Variants in ARFGEF3 observed in about 807,000 individuals in gnomAD.
ARFGEF3 encodes the protein brefeldin A-inhibited guanine nucleotide-exchange protein 3.
Under a neutral mutation model 221.7 loss-of-function variants are expected in ARFGEF3, and 96 were observed. That is an observed-to-expected ratio of 0.43 (90% CI 0.37 to 0.51). The LOEUF (loss-of-function observed/expected upper bound fraction) is 0.51, where lower values mean the gene tolerates loss of function less well. ARFGEF3 is among the 20% of genes least tolerant of loss of function. The pLI, the probability that ARFGEF3 is intolerant of heterozygous loss-of-function variation, is 0.00. For synonymous variants in ARFGEF3, 1,145 were observed against 1,126.8 expected, an observed-to-expected ratio of 1.02 and a Z score of -0.32; for missense variants, 2,410 against 2,789.9, an observed-to-expected ratio of 0.86 and a Z score of 3.07.
In ARFGEF3 at chr6:138,333,981, G is replaced by A; in HGVS notation, c.5135G>A (p.Arg1712Lys). The change falls in exon 33 of 34, where the codon AGG becomes AAG. Residue 1712 changes from arginine to lysine, a missense_variant. By Grantham distance (26) the Arg-to-Lys change is conservative. Around this residue, in one of 5 missense-constraint regions of ARFGEF3, gnomAD observed 723 missense variants for 991.9 expected, o/e 0.73. Coordinates refer to ENST00000251691, the MANE Select transcript of ARFGEF3 (RefSeq NM_020340.5). ...CTTTTCACTTGAAGCGTGTCTTTCAGGGAAATTGTGGTGAGCCTGCTGTCT... is the reference window on the plus strand; with the variant it reads ...CTTTTCACTTGAAGCGTGTCTTTCAAGGAAATTGTGGTGAGCCTGCTGTCT... ...NGHTKKSVSF[R>K]EIVVSLLSHQ... The A allele has an allele frequency of 1.2e-6, 2 of 1,605,512 alleles. No individual in the cohort carries two copies. The highest frequency in any genetic ancestry group is 2.2e-5 in the East Asian group (1 of 44,660).
chr6:138,203,185 C>T (rs1162665443), intron 2 of ARFGEF3, among the ~76,000 whole-genome samples: 1 of 151,944 alleles, frequency 6.6e-6, no homozygotes, highest in Non-Finnish European at 1.5e-5. Flanking sequence ...TGTTTAAGAA[C>T]TAAAATGGGT....
At position 138,336,647 on chromosome 6, in the gene ARFGEF3, A is replaced by G. The variant is rs988236359; in HGVS notation, c.*161A>G. 1 of 540,746 alleles carries G rather than the reference A, an allele frequency of 1.8e-6. No individual in the cohort carries two copies. The highest frequency in any genetic ancestry group is 3.9e-5 in the Admixed American group (1 of 25,644). 33.5% of individuals were successfully genotyped at this position (540,746 alleles called of 1,614,324 possible). A position where few individuals can be genotyped will look rare whatever the true frequency, so the allele number is the denominator to read the frequency against. On this transcript the variant is annotated 3_prime_UTR_variant, in exon 34 of 34. Transcript: ENST00000251691. ...TAAAAAGCCTTTCCAACCACTGATC[A>G]GCATTGGGGCCATACTAAGGTTTGT...
In ARFGEF3 at chr6:138,262,912, G is replaced by T. The variant is rs1778819796; in HGVS notation, c.1429G>T (p.Ala477Ser). 1.2e-6 allele frequency: 2 copies of T among 1,610,792 alleles called. No homozygotes were observed. The highest frequency in any genetic ancestry group is 1.7e-6 in the Non-Finnish European group (2 of 1,178,402). ...CCGAGATTCCATGGAGATCAATGAG[G>T]CTGACTTCCGCTGGCAGCGGCGAGT... ...WSRDSMEINE[A>S]DFRWQRRVLS... Residue 477 changes from alanine to serine, a missense_variant, in exon 12 of 34, where the codon GCT becomes TCT. Coordinates refer to ENST00000251691, the MANE Select transcript of ARFGEF3 (RefSeq NM_020340.5).
intron 2 of ARFGEF3, among the ~76,000 whole-genome samples, 159 bp from the exon 3 acceptor site, chr6:138,206,883 T>C (rs1009384674): frequency 1.4e-4 from 22 of 152,140 alleles, no homozygotes; most frequent in African/African-American, 5.1e-4. Flanking sequence ...ACAGCTTCTT[T>C]GCTGTGTTTT....
chr6:138,332,130 C>T (rs1243581558), intron 32 of ARFGEF3, among the ~76,000 whole-genome samples: 3 of 152,050 alleles, frequency 2.0e-5, no homozygotes, highest in Admixed American at 6.5e-5. Context: ...GTGTTGTGAG[C>T]GAAGGGTTTC....
intron 31 of ARFGEF3, among the ~76,000 whole-genome samples, chr6:138,324,394 C>A (rs1179110503): frequency 6.6e-6 from 1 of 152,188 alleles, no homozygotes; most frequent in Non-Finnish European, 1.5e-5. Context: ...TCAAATAGAA[C>A]CCTTTCAGCA....
In ARFGEF3 at chr6:138,317,257, T is replaced by G; in HGVS notation, c.4352T>G (p.Ile1451Arg). 6.2e-7 allele frequency: 1 copy of G among 1,613,460 alleles called. No individual in the cohort carries two copies. The highest frequency in any genetic ancestry group is 8.5e-7 in the Non-Finnish European group (1 of 1,179,748). Residue 1451 changes from isoleucine (I) to arginine (R), a missense_variant, in exon 27 of 34, where the codon ATA (isoleucine) becomes AGA (arginine). Physicochemically the swap from Ile to Arg is moderately conservative, Grantham distance 97. Coordinates refer to ENST00000251691, the MANE Select transcript of ARFGEF3 (RefSeq NM_020340.5). ...LSDFDDDTGLIEVWIILLEQL... is the reference protein window; with the variant it reads ...LSDFDDDTGLREVWIILLEQL... ...TCTGCTTTTTGGTTTCCAGGTCTGA[T>G]AGAAGTCTGGATAATCCTGCTGGAG...
chr6:138,265,012 T>C (rs1265952808), intron 12 of ARFGEF3, among the ~76,000 whole-genome samples: 1 of 151,548 alleles, frequency 6.6e-6, no homozygotes, highest in Non-Finnish European at 1.5e-5. Flanking sequence ...CATGCCATTC[T>C]CCTGCCTCAG....
In ARFGEF3 at chr6:138,328,071, C is replaced by T. The variant is rs1042602168; in HGVS notation, c.5052C>T (p.Asp1684=). ...CACCAAAGACACCAAACAACTTTGA[C>T]CACGCTCAGTCCTGCCAGCTCATTA... ...QCSPKTPNNF[D]HAQSCQLIIE... is the part of the protein sequence containing the mutation. The change falls in exon 32 of 34, where the codon GAC becomes GAT. Residue 1684 remains aspartate (D), a synonymous_variant. Transcript: ENST00000251691. 2.6e-5 allele frequency: 41 copies of T among 1,562,932 alleles called. No individual in the cohort carries two copies. The highest frequency in any genetic ancestry group is 3.6e-5 in the Non-Finnish European group (41 of 1,152,390).
chr6:138,224,273 G>A (rs1778037139), intron 4 of ARFGEF3, among the ~76,000 whole-genome samples: 3 of 152,196 alleles, frequency 2.0e-5, no homozygotes, highest in Non-Finnish European at 4.4e-5. Context: ...ATGTCTCATG[G>A]GAGATGCTTT....
intron 4 of ARFGEF3, among the ~76,000 whole-genome samples, chr6:138,229,472 C>G (rs747656160): frequency 6.6e-6 from 1 of 152,188 alleles, no homozygotes; most frequent in Non-Finnish European, 1.5e-5. Context: ...TACTAAACAA[C>G]TCTTTTGAGG....
In ARFGEF3 at chr6:138,342,114, A is replaced by G. The variant is rs1780440210; in HGVS notation, c.*5628A>G. On this transcript the variant is annotated 3_prime_UTR_variant, in exon 34 of 34. Transcript: ENST00000251691. ...AAGGTTTAACCAGTGGTTGTCTAGT[A>G]TCTTCTGTCTTTAGAACAGTGGTTC... The G allele has an allele frequency of 6.6e-6, 1 of 152,194 alleles. No homozygotes were observed. Among genetic ancestry groups the G allele is most frequent in the South Asian group, 2.1e-4 (1 of 4,824 alleles). 9.4% of individuals were successfully genotyped at this position (152,194 alleles called of 1,614,324 possible). A position where few individuals can be genotyped will look rare whatever the true frequency, so the allele number is the denominator to read the frequency against.
At chr6:138,300,223 G>A (rs919051624) in intron 22 of ARFGEF3, among the ~76,000 whole-genome samples, 1 of 152,100 alleles carries the variant, frequency 6.6e-6, no homozygotes, top group African/African-American at 2.4e-5. Flanking sequence ...GAAATTATAA[G>A]TTAACACCTA....
chr6:138,335,641 C>T (rs1780309737), intron 33 of ARFGEF3, among the ~76,000 whole-genome samples: 1 of 151,934 alleles, frequency 6.6e-6, no homozygotes, highest in Non-Finnish European at 1.5e-5. Context: ...TCCCAGGAGG[C>T]AGAGGTTGCA....
chr6:138,185,179 C>T (rs940673577), intron 2 of ARFGEF3, among the ~76,000 whole-genome samples: 1 of 152,170 alleles, frequency 6.6e-6, no homozygotes. Context: ...TTCTTTCTTC[C>T]TCCAAAACGT....
chr6:138,167,650 T>A (rs1299232660), intron 1 of ARFGEF3, among the ~76,000 whole-genome samples: 1 of 152,232 alleles, frequency 6.6e-6, no homozygotes, highest in Non-Finnish European at 1.5e-5. Context: ...CCTAAATATA[T>A]GTCAAGCCTG....
rs555537320 is a variant in ARFGEF3 at position 138,321,896 on chromosome 6, T to TA, written c.4766+672dup. ...GGAAGAAAAAGAGCTTTAATGGACTTACAGTTCCACGTGGCTGGGGAGGCC... is the reference window on the plus strand; with the variant it reads ...GGAAGAAAAAGAGCTTTAATGGACTTAACAGTTCCACGTGGCTGGGGAGGCC... On this transcript the variant is annotated intron_variant, in intron 29 of 33. Coordinates refer to ENST00000251691, the MANE Select transcript of ARFGEF3 (RefSeq NM_020340.5). Among the ~76,000 whole-genome samples, 5 of 150,830 alleles carry TA rather than the reference T, an allele frequency of 3.3e-5. No individual in the cohort carries two copies. In the South Asian group the frequency reaches 1.0e-3, roughly 31 times the overall value.
At chr6:138,328,608 T>C (rs916255129) in intron 32 of ARFGEF3, among the ~76,000 whole-genome samples, 1 of 152,120 alleles carries the variant, frequency 6.6e-6, no homozygotes, top group Non-Finnish European at 1.5e-5. Context: ...AAAGACCTCT[T>C]CTCCAAATAT....
At chr6:138,186,145 G>A (rs1474793194) in intron 2 of ARFGEF3, among the ~76,000 whole-genome samples, 2 of 152,178 alleles carry the variant, frequency 1.3e-5, no homozygotes, top group Non-Finnish European at 2.9e-5. Context: ...TGTTCCTATT[G>A]ATTGCAGCTT....
Sources: allele counts gnomAD v4.1 joint callset (sites outside exome capture counted in the v4.1 genomes callset), GRCh38; gene constraint gnomAD v4.1.1; regional missense constraint gnomAD v4.1.1; transcripts MANE v1.5; gene names NCBI Gene and HGNC (gene_info 2026-07-23, HGNC 2026-07-21).